DAB2IP: variants seen among roughly 807,000 people sequenced by gnomAD.
DAB2IP encodes the protein disabled homolog 2-interacting protein.
A neutral mutation model predicts 107.2 loss-of-function variants in DAB2IP; 28 were observed. The observed-to-expected ratio is 0.26, with a 90% CI of 0.19 to 0.36. DAB2IP has a LOEUF of 0.36. Among genes scored for constraint, DAB2IP ranks in the 10% least tolerant of loss-of-function variants. The probability of loss-of-function intolerance (pLI) is 1.00; values close to 1 mark genes in which losing one functional copy is unlikely to be tolerated. For synonymous variants in DAB2IP, 755 were observed against 706.4 expected (o/e 1.07, Z -1.09); for missense variants, 1,400 against 1,644.7 (o/e 0.85, Z 2.57).
At chr9:121,617,382 G>C (rs1755391015) in intron 1 of DAB2IP, among the ~76,000 whole-genome samples, 1 of 152,162 alleles carries the variant, frequency 6.6e-6, no homozygotes, top group South Asian at 2.1e-4. Flanking sequence ...TCCTAGAAAT[G>C]CTCCCCTAGC....
Position 121,699,582 on chromosome 9 carries a change from G to T in DAB2IP, c.362+124G>T. The T allele has an allele frequency of 1.1e-6, 1 of 899,356 alleles. No individual in the cohort carries two copies. Among genetic ancestry groups the T allele is most frequent in the South Asian group, 5.2e-5 (1 of 19,324 alleles). 55.7% of individuals were successfully genotyped at this position (899,356 alleles called of 1,614,324 possible). On this transcript the variant is annotated intron_variant, in intron 3 of 15. Coordinates refer to ENST00000408936, the Ensembl canonical transcript of DAB2IP. The surrounding 1 kb of genome is among the most constrained non-coding windows in gnomAD (Gnocchi z 6.2). ...CACGGCGGTGGGGGGACCCCACGCC[G>T]CCCGCCGGGAACTTATGGGGCCACC...
At chr9:121,608,485 G>A (rs768740826) in intron 1 of DAB2IP, among the ~76,000 whole-genome samples, 3 of 152,210 alleles carry the variant, frequency 2.0e-5, no homozygotes, top group Non-Finnish European at 2.9e-5. Context: ...AGGGAGCAAA[G>A]GCTCATGATG....
Position 121,776,194 on chromosome 9 carries a change from G to T in DAB2IP, c.3121-4G>T. ...TGTGCCCGTGGACGCTGCCCTCCTG[G>T]TAGGACCTGGCGGTGCTGCAGGACA... is the stretch of plus-strand genomic sequence containing the variant. On this transcript the variant is annotated splice_region_variant and splice_polypyrimidine_tract_variant and intron_variant, in intron 13 of 15. Coordinates refer to ENST00000408936, the Ensembl canonical transcript of DAB2IP. This position sits in a 1 kb window ranked among gnomAD's most constrained non-coding sequence, Gnocchi z 5.4. 2 of 1,569,284 alleles carry T rather than the reference G, an allele frequency of 1.3e-6. No individual in the cohort carries two copies. The highest frequency in any genetic ancestry group is 1.7e-6 in the Non-Finnish European group (2 of 1,157,354).
At chr9:121,666,427 C>T (rs1833427300) in intron 1 of DAB2IP, among the ~76,000 whole-genome samples, 1 of 152,194 alleles carries the variant, frequency 6.6e-6, no homozygotes, top group Non-Finnish European at 1.5e-5. Flanking sequence ...TAGTAACCTC[C>T]AAGCAACACC....
intron 1 of DAB2IP, among the ~76,000 whole-genome samples, chr9:121,667,232 G>A (rs1311121160): frequency 2.0e-5 from 3 of 151,994 alleles, no homozygotes; most frequent in Non-Finnish European, 2.9e-5. Context: ...GGCTGGTCTC[G>A]AACCCCTGAC....
At chr9:121,774,263 C>T (rs1835015109) in exon 13 of DAB2IP, 1 of 1,610,188 alleles carries the variant, frequency 6.2e-7, no homozygotes, top group Non-Finnish European at 8.5e-7. Context: ...ATTGTAGGGC[C>T]CTTCACCTGT....
intron 2 of DAB2IP, among the ~76,000 whole-genome samples, chr9:121,693,788 T>C (rs1008333141): frequency 2.0e-4 from 31 of 152,280 alleles, no homozygotes; most frequent in Non-Finnish European, 4.1e-4. Flanking sequence ...CAAGGACAAA[T>C]AGATGCTGGG....
At position 121,646,356 on chromosome 9, in the gene DAB2IP, C is replaced by G. The variant is rs530699634; in HGVS notation, c.41-32322C>G. Among the ~76,000 whole-genome samples, 9 of 152,274 alleles carry G rather than the reference C, an allele frequency of 5.9e-5. No homozygotes were observed. In the East Asian group the frequency reaches 1.5e-3, roughly 26 times the overall value. ...GTGACCTGGCCCCAGCCTCCCCCAT[C>G]TTCCTAGTGAAGATCCTGCTCCTGG... On this transcript the variant is annotated intron_variant, in intron 1 of 16. Coordinates refer to the DAB2IP transcript ENST00000259371.
chr9:121,584,668 CAG>C (rs540914041), intron 1 of DAB2IP, among the ~76,000 whole-genome samples: 4 of 152,244 alleles, frequency 2.6e-5, no homozygotes, highest in Admixed American at 6.5e-5. Context: ...TGTTGGGTAA[CAG>C]GGAATAGCAA....
chr9:121,763,165 G>A (rs1001637582), intron 6 of DAB2IP, among the ~76,000 whole-genome samples: 1 of 152,228 alleles, frequency 6.6e-6, no homozygotes, highest in Non-Finnish European at 1.5e-5. Context: ...GTGGTCACCA[G>A]GCCAGGCCTG....
At chr9:121,771,083 C>G (rs1056910415) in intron 11 of DAB2IP, among the ~76,000 whole-genome samples, 1 of 152,152 alleles carries the variant, frequency 6.6e-6, no homozygotes, top group African/African-American at 2.4e-5. Flanking sequence ...GTTAAAAATA[C>G]ACATGTTCCT....
chr9:121,665,719 T>A (rs151104730), intron 1 of DAB2IP, among the ~76,000 whole-genome samples: 91 of 152,344 alleles, frequency 6.0e-4, no homozygotes, highest in Non-Finnish European at 1.1e-3. Flanking sequence ...TGATAAAAGG[T>A]GCATTATGGA....
chr9:121,677,786 C>T (rs1297707600), intron 1 of DAB2IP, among the ~76,000 whole-genome samples: 4 of 151,982 alleles, frequency 2.6e-5, no homozygotes, highest in East Asian at 3.9e-4. Flanking sequence ...CTCAGCCTCC[C>T]GAGTAGCTAG....
In DAB2IP at chr9:121,611,528, C is replaced by G. The variant is rs138558442; in HGVS notation, c.40+44300C>G. Among the ~76,000 whole-genome samples, 521 of 152,246 alleles carry G rather than the reference C, an allele frequency of 3.4e-3. 5 individuals carry two copies. The highest frequency in any genetic ancestry group is 3.9e-3 in the Non-Finnish European group (266 of 68,024). On this transcript the variant is annotated intron_variant, in intron 1 of 16. Coordinates refer to the DAB2IP transcript ENST00000259371. ...TCTTATTTCTCTGATCCTCAGTATT[C>G]TTAACTATAAATTGCGGATAATAAT...
intron 1 of DAB2IP, among the ~76,000 whole-genome samples, chr9:121,670,038 G>C (rs1039041703): frequency 6.6e-6 from 1 of 152,068 alleles, no homozygotes; most frequent in Admixed American, 6.5e-5. Context: ...CGAAGATGTC[G>C]CTTGTGCTCC....
intron 8 of DAB2IP, among the ~76,000 whole-genome samples, chr9:121,764,236 G>A (rs550390967): frequency 4.6e-5 from 7 of 152,346 alleles, no homozygotes; most frequent in Admixed American, 6.5e-5. Flanking sequence ...TCACCTGTCC[G>A]TGGGAGCTAA....
At chr9:121,630,857 C>T (rs1439479028) in intron 1 of DAB2IP, among the ~76,000 whole-genome samples, 1 of 152,204 alleles carries the variant, frequency 6.6e-6, no homozygotes, top group East Asian at 1.9e-4. Context: ...ATCCACTCGG[C>T]TTGGCCTCCC....
At chr9:121,669,259 A>G (rs1833578596) in intron 1 of DAB2IP, among the ~76,000 whole-genome samples, 1 of 152,164 alleles carries the variant, frequency 6.6e-6, no homozygotes, top group South Asian at 2.1e-4. Flanking sequence ...TGAAATAATT[A>G]TAGATTGACA....
rs1385481381 is a variant in DAB2IP at position 121,736,512 on chromosome 9, G to T, written c.363-20501G>T. Among the ~76,000 whole-genome samples the T allele has an allele frequency of 6.8e-6, 1 of 147,438 alleles. No homozygotes were observed. The highest frequency in any genetic ancestry group is 1.5e-5 in the Non-Finnish European group (1 of 66,588). On this transcript the variant is annotated intron_variant, in intron 3 of 15. Coordinates refer to ENST00000408936, the Ensembl canonical transcript of DAB2IP. This position sits in a 1 kb window ranked among gnomAD's most constrained non-coding sequence, Gnocchi z 4.6. ...GCCGCGGAATGTCACCCGCTGCCGG[G>T]CCTGGGAAGGGCTGGGCCTACTGCT...
Sources: gnomAD v4.1 joint callset for allele counts (sites outside exome capture counted in the v4.1 genomes callset) on GRCh38, gnomAD v4.1.1 for gene constraint, Gnocchi (gnomAD v3.1) non-coding constraint, MANE v1.5 for transcripts, NCBI Gene and HGNC (gene_info 2026-07-23, HGNC 2026-07-21) for gene names.